Variants in POU6F2 observed in about 807,000 individuals in gnomAD.
POU6F2 encodes the protein POU domain, class 6, transcription factor 2.
A neutral mutation model predicts 71.3 loss-of-function variants in POU6F2; 31 were observed. The ratio of observed to expected loss-of-function variants is 0.43; its 90% CI spans 0.33 to 0.59. The LOEUF (loss-of-function observed/expected upper bound fraction) is 0.59. Among genes scored for constraint, POU6F2 ranks in the 20% least tolerant of loss-of-function variants. The probability of loss-of-function intolerance (pLI) is 0.04; values close to 1 mark genes in which losing one functional copy is unlikely to be tolerated. For missense variants in POU6F2, 783 were observed against 856.8 expected (o/e 0.91, Z 1.07); for synonymous variants, 347 against 355.7 (o/e 0.98, Z 0.27).
chr7:39,440,765 G>T, intron 7 of POU6F2, among the ~76,000 whole-genome samples: 1 of 152,114 alleles, frequency 6.6e-6, no homozygotes, highest in Non-Finnish European at 1.5e-5. Context: ...GAGGCACTCT[G>T]ATCTTTTGGG....
At chr7:39,211,598 A>G (rs184924597) in intron 4 of POU6F2, among the ~76,000 whole-genome samples, 1 of 152,172 alleles carries the variant, frequency 6.6e-6, no homozygotes, top group Non-Finnish European at 1.5e-5. Flanking sequence ...CAAGAAAGAG[A>G]TTGATTCCTG....
At chr7:39,141,736 G>A (rs1792508709) in intron 2 of POU6F2, among the ~76,000 whole-genome samples, 1 of 152,142 alleles carries the variant, frequency 6.6e-6, no homozygotes, top group Non-Finnish European at 1.5e-5. Context: ...TAAAAAAGAT[G>A]TTTACAGATG....
intron 6 of POU6F2, among the ~76,000 whole-genome samples, chr7:39,431,528 G>T (rs561523192): frequency 6.6e-6 from 1 of 152,322 alleles, no homozygotes; most frequent in South Asian, 2.1e-4. Flanking sequence ...CAGCCCACCA[G>T]CAGCCTTTCA....
At chr7:39,098,643 C>T (rs185312403) in intron 2 of POU6F2, among the ~76,000 whole-genome samples, 91 of 152,204 alleles carry the variant, frequency 6.0e-4, no homozygotes, top group African/African-American at 2.0e-3. Context: ...GGCTTGAGTC[C>T]GGCTCTACCA....
At chr7:39,396,577 C>T (rs1384064324) in intron 5 of POU6F2, among the ~76,000 whole-genome samples, 3 of 152,178 alleles carry the variant, frequency 2.0e-5, no homozygotes, top group Non-Finnish European at 4.4e-5. Context: ...GTCCAGGCTT[C>T]GTGAAGCCAT....
At chr7:39,171,683 A>G (rs984404121) in intron 2 of POU6F2, among the ~76,000 whole-genome samples, 4 of 152,228 alleles carry the variant, frequency 2.6e-5, no homozygotes, top group Admixed American at 1.3e-4. Context: ...GCATTTAGCC[A>G]TAGGACACCC....
chr7:39,098,613 C>T (rs1156430183), intron 2 of POU6F2, among the ~76,000 whole-genome samples: 1 of 152,148 alleles, frequency 6.6e-6, no homozygotes, highest in East Asian at 1.9e-4. Context: ...TGCTTCAAGG[C>T]TCTGGAGTCA....
chr7:39,330,957 G>A (rs948744121), intron 4 of POU6F2, among the ~76,000 whole-genome samples: 2 of 152,024 alleles, frequency 1.3e-5, no homozygotes, highest in Non-Finnish European at 2.9e-5. Context: ...CCACTCTCTG[G>A]TAAACACTGT....
chr7:38,996,865 T>C (rs1788754765), intron 1 of POU6F2, among the ~76,000 whole-genome samples: 1 of 152,010 alleles, frequency 6.6e-6, no homozygotes, highest in South Asian at 2.1e-4. Flanking sequence ...TCACCTTGAC[T>C]CCCCCCACCT....
At chr7:39,433,033 AC>A in intron 6 of POU6F2, 43 bp from the exon 7 acceptor site, 3 of 1,600,820 alleles carry the variant, frequency 1.9e-6, no homozygotes, top group Non-Finnish European at 1.7e-6. Context: ...GCATGCACAG[AC>A]CCTTCACCGA....
chr7:39,348,587 A>C (rs981357524), intron 5 of POU6F2, among the ~76,000 whole-genome samples: 2 of 152,206 alleles, frequency 1.3e-5, no homozygotes, highest in Non-Finnish European at 2.9e-5. Flanking sequence ...GGGATTCCAG[A>C]TCTAGTCTGT....
intron 5 of POU6F2, among the ~76,000 whole-genome samples, chr7:39,358,891 AG>A (rs1441751914): frequency 4.6e-5 from 7 of 150,942 alleles, no homozygotes; most frequent in East Asian, 3.9e-4. Context: ...AAAAAAAAAA[AG>A]AGTATGACAA....
At chr7:39,081,944 G>T (rs1014459098) in intron 1 of POU6F2, among the ~76,000 whole-genome samples, 6 of 152,168 alleles carry the variant, frequency 3.9e-5, no homozygotes, top group Non-Finnish European at 2.9e-5. Context: ...ACTTAGCTGC[G>T]TGCCTTTGGG....
intron 1 of POU6F2, among the ~76,000 whole-genome samples, chr7:39,030,540 A>ATATATATATG (rs1789917151): frequency 7.7e-6 from 1 of 130,394 alleles, no homozygotes; most frequent in African/African-American, 2.8e-5. Flanking sequence ...ATATATATAT[A>ATATATATATG]TATACACACA....
At chr7:39,203,991 C>T (rs1228163686) in intron 2 of POU6F2, among the ~76,000 whole-genome samples, 2 of 152,140 alleles carry the variant, frequency 1.3e-5, no homozygotes, top group Non-Finnish European at 2.9e-5. Flanking sequence ...CCCACACATA[C>T]AACACACTGG....
At chr7:38,987,351 C>T (rs1260325566) in intron 1 of POU6F2, among the ~76,000 whole-genome samples, 2 of 152,132 alleles carry the variant, frequency 1.3e-5, no homozygotes, top group African/African-American at 4.8e-5. Flanking sequence ...TATGTTTGCT[C>T]CAAGCCACCA....
At chr7:38,992,992 G>C (rs945445279) in intron 1 of POU6F2, among the ~76,000 whole-genome samples, 2 of 152,122 alleles carry the variant, frequency 1.3e-5, no homozygotes, top group African/African-American at 2.4e-5. Flanking sequence ...AATGAATAAA[G>C]AGATTATTTT....
chr7:39,037,755 G>A, intron 1 of POU6F2, among the ~76,000 whole-genome samples: 1 of 151,996 alleles, frequency 6.6e-6, no homozygotes, highest in East Asian at 1.9e-4. Flanking sequence ...TCTGAAGAGA[G>A]GTTTTGGTTG....
At chr7:39,410,089 T>C (rs965528586) in intron 6 of POU6F2, among the ~76,000 whole-genome samples, 3 of 152,214 alleles carry the variant, frequency 2.0e-5, no homozygotes, top group African/African-American at 4.8e-5. Context: ...GGCTCATGCC[T>C]ATAATCCCAG....
Sources: gnomAD v4.1 joint callset for allele counts (sites outside exome capture counted in the v4.1 genomes callset) on GRCh38, gnomAD v4.1.1 for gene constraint, MANE v1.5 for transcripts, NCBI Gene and HGNC (gene_info 2026-07-23, HGNC 2026-07-21) for gene names.